The following EPC1 variants were observed in gnomAD, a reference collection of about 807,000 sequenced individuals.
EPC1 encodes the protein enhancer of polycomb homolog 1.
In EPC1, 12 loss-of-function variants were observed where a neutral mutation model predicts 98.4. The ratio of observed to expected loss-of-function variants is 0.12; its 90% CI spans 0.08 to 0.20. The LOEUF is 0.20. Among genes scored for constraint, EPC1 ranks in the 10% least tolerant of loss-of-function variants. The pLI is 1.00. For synonymous variants in EPC1, 357 were observed against 363.9 expected (o/e 0.98, Z 0.21); for missense variants, 729 against 990.5 (o/e 0.74, Z 3.54).
intron 1 of EPC1, chr10:32,374,422 CCTG>C (rs1839830163): frequency 6.6e-6 from 1 of 152,086 alleles, no homozygotes; most frequent in Non-Finnish European, 1.5e-5. Flanking sequence ...GCCCAAAACT[CCTG>C]CTACCAGAGT....
chr10:32,292,736 T>A (rs1834923979), intron 4 of EPC1, 92 bp from the exon 5 acceptor site: 1 of 1,266,058 alleles, frequency 7.9e-7, no homozygotes, highest in Non-Finnish European at 1.1e-6. Flanking sequence ...TTTGAAGGGT[T>A]AAATTAGAAT....
At position 32,302,414 on chromosome 10, in the gene EPC1, G is replaced by A. The variant is rs139486604; in HGVS notation, c.313+3358C>T. Among the ~76,000 whole-genome samples, 280 of 151,870 alleles carry A rather than the reference G, an allele frequency of 1.8e-3. 1 individual carries two copies. The highest frequency in any genetic ancestry group is 4.3e-3 in the Admixed American group (65 of 15,250). ...TATCATCCCAGCACTTTGGGAGGCCGAGGCGGGTGGATCACCTCAGGTCAG... is the reference window on the plus strand; with the variant it reads ...TATCATCCCAGCACTTTGGGAGGCCAAGGCGGGTGGATCACCTCAGGTCAG... On this transcript the variant is annotated intron_variant, in intron 2 of 13. Coordinates refer to ENST00000319778, the MANE Select transcript of EPC1 (RefSeq NM_001272004.3).
intron 1 of EPC1, among the ~76,000 whole-genome samples, chr10:32,311,132 A>G (rs1283146296): frequency 6.6e-6 from 1 of 151,974 alleles, no homozygotes; most frequent in Non-Finnish European, 1.5e-5. Flanking sequence ...AACACGGTGA[A>G]ACCCTGTCTC....
At position 32,374,857 on chromosome 10, in the gene EPC1, G is replaced by T. The variant is rs552312675; in HGVS notation, c.3+3634C>A. Among the ~76,000 whole-genome samples, 19 of 152,104 alleles carry T rather than the reference G, an allele frequency of 1.2e-4. No individual in the cohort carries two copies. The South Asian group carries it at 3.7e-3, about 30-fold the overall frequency. On this transcript the variant is annotated intron_variant, in intron 1 of 13. Transcript: ENST00000375110. The stretch of plus-strand genomic sequence containing the variant: ...GAATGATACATAATAGATGGGGGAA[G>T]ATCTAGAATAAACAAACCCCCGAAT...
chr10:32,361,047 AG>A (rs1275151869), intron 1 of EPC1, among the ~76,000 whole-genome samples: 18 of 152,362 alleles, frequency 1.2e-4, no homozygotes, highest in Admixed American at 2.6e-4. Context: ...GCAACTTAAA[AG>A]TGTGCTCTGG....
At chr10:32,368,135 T>C (rs773347055) in intron 1 of EPC1, among the ~76,000 whole-genome samples, 1 of 152,222 alleles carries the variant, frequency 6.6e-6, no homozygotes, top group Non-Finnish European at 1.5e-5. Context: ...ACAATGCCAA[T>C]GGGTTAACAG....
At chr10:32,319,667 T>C (rs1836766593) in intron 1 of EPC1, among the ~76,000 whole-genome samples, 1 of 152,166 alleles carries the variant, frequency 6.6e-6, no homozygotes, top group South Asian at 2.1e-4. Context: ...TGAAAACATC[T>C]ATGAAAAGAT....
At chr10:32,340,842 G>C (rs1838295454) in intron 1 of EPC1, among the ~76,000 whole-genome samples, 2 of 151,790 alleles carry the variant, frequency 1.3e-5, no homozygotes, top group Non-Finnish European at 1.5e-5. Flanking sequence ...AAAAAAACCC[G>C]CAATTCTAGC....
chr10:32,305,090 G>A (rs1405915045), intron 2 of EPC1, among the ~76,000 whole-genome samples: 2 of 152,146 alleles, frequency 1.3e-5, no homozygotes, highest in East Asian at 1.9e-4. Context: ...ATCACCAAAT[G>A]TCACACAGTT....
chr10:32,321,563 T>C (rs1378986351), intron 1 of EPC1, among the ~76,000 whole-genome samples: 1 of 151,900 alleles, frequency 6.6e-6, no homozygotes, highest in African/African-American at 2.4e-5. Context: ...TGTGGTAAGG[T>C]AGATCAGTGG....
At chr10:32,269,195 ATTATC>A (rs1835716884) in intron 13 of EPC1, 60 bp from the exon 14 acceptor site, 1 of 1,427,812 alleles carries the variant, frequency 7.0e-7, no homozygotes, top group African/African-American at 1.4e-5. Flanking sequence ...GCAAATGAAC[ATTATC>A]TTCCCAACAA....
intron 1 of EPC1, among the ~76,000 whole-genome samples, chr10:32,326,339 A>G (rs1837276005): frequency 2.0e-5 from 3 of 152,202 alleles, no homozygotes; most frequent in Admixed American, 2.0e-4. Flanking sequence ...TTTAACTGTC[A>G]GTGAAAGATG....
chr10:32,347,294 C>G, upstream of EPC1: 1 of 808,610 alleles, frequency 1.2e-6, no homozygotes, highest in Non-Finnish European at 1.6e-6. Context: ...CGGCACCCGC[C>G]GGCCTCGCTT....
chr10:32,305,711 T>A, intron 2 of EPC1, 61 bp downstream of exon 2: 1 of 1,389,982 alleles, frequency 7.2e-7, no homozygotes, highest in Non-Finnish European at 9.5e-7. Flanking sequence ...GATAAAAATC[T>A]GTCAAGTTAC....
Position 32,332,894 on chromosome 10 carries a change from TAAG to T in EPC1, c.153+13866_153+13868del, listed in dbSNP as rs542457266. Among the ~76,000 whole-genome samples the T allele has an allele frequency of 7.6e-4, 115 of 152,312 alleles. 1 individual carries two copies. Among genetic ancestry groups the T allele is most frequent in the African/African-American group, 2.8e-3 (115 of 41,566 alleles). ...CCATGGCTCTTAAGGATAGTTTAGT[TAAG>T]AAGCTGTTTTTAAAAAGTCTCATGG... On this transcript the variant is annotated intron_variant, in intron 1 of 13. Coordinates refer to ENST00000319778, the MANE Select transcript of EPC1 (RefSeq NM_001272004.3).
rs1000576045 is a variant in EPC1, at chr10:32,293,478, T to C, written c.459+114A>G. 27 of 1,001,534 alleles carry C rather than the reference T, an allele frequency of 2.7e-5. No individual in the cohort carries two copies. The South Asian group carries it at 4.2e-4, about 16-fold the overall frequency. The allele number at this position is 1,001,534 out of a possible 1,614,324, so 62.0% of individuals were successfully genotyped here. On this transcript the variant is annotated intron_variant, in intron 3 of 13. Transcript: ENST00000319778. ...GAGATGAGATTTGAATTCATACTTT[T>C]TAACTCTAAAGCCTGACTGATTACC...
At chr10:32,287,351 A>G (rs1836744521) in intron 6 of EPC1, 77 bp from the exon 7 acceptor site, 2 of 1,489,856 alleles carry the variant, frequency 1.3e-6, no homozygotes, top group Non-Finnish European at 1.8e-6. Context: ...AAATTTTAAA[A>G]AGAAGTTTAT....
At chr10:32,374,666 AT>A (rs1054207607) in intron 1 of EPC1, among the ~76,000 whole-genome samples, 113 of 152,272 alleles carry the variant, frequency 7.4e-4, no homozygotes, top group African/African-American at 2.3e-3. Context: ...AATTAAAAAA[AT>A]ATTTTTTTTC....
intron 1 of EPC1, chr10:32,345,515 G>A: frequency 1.0e-6 from 1 of 985,446 alleles, no homozygotes; most frequent in Non-Finnish European, 1.2e-6. Context: ...GCGACTCCTG[G>A]ACTTCCTTGA....
Sources: allele counts gnomAD v4.1 joint callset (sites outside exome capture counted in the v4.1 genomes callset), GRCh38; gene constraint gnomAD v4.1.1; transcripts MANE v1.5; gene names NCBI Gene and HGNC (gene_info 2026-07-23, HGNC 2026-07-21).